Variants in ARHGAP42 observed in about 807,000 individuals in gnomAD.
ARHGAP42 encodes rho GTPase-activating protein 42.
In ARHGAP42, 63 loss-of-function variants were observed where a neutral mutation model predicts 125.0. That is an observed-to-expected ratio of 0.50 (90% confidence interval 0.41 to 0.62). The LOEUF (loss-of-function observed/expected upper bound fraction) is 0.62. ARHGAP42 is among the 20% of genes least tolerant of loss of function. ARHGAP42 has a pLI of 0.00. For missense variants in ARHGAP42, 766 were observed against 1,024.2 expected (o/e 0.75, Z 3.44); for synonymous variants, 339 against 351.0 (o/e 0.97, Z 0.38).
intron 3 of ARHGAP42, among the ~76,000 whole-genome samples, chr11:100,826,962 G>A (rs1388154168): frequency 2.0e-5 from 3 of 149,922 alleles, no homozygotes; most frequent in African/African-American, 4.9e-5. Flanking sequence ...AATTTTGTGA[G>A]AAGGGTTTTT....
chr11:100,865,242 A>G (rs1865541360), intron 4 of ARHGAP42, among the ~76,000 whole-genome samples: 1 of 152,142 alleles, frequency 6.6e-6, no homozygotes, highest in Non-Finnish European at 1.5e-5. Flanking sequence ...TTATACATGC[A>G]GTTAATTAAG....
chr11:100,730,428 T>C (rs991777707), intron 1 of ARHGAP42, among the ~76,000 whole-genome samples: 2 of 152,238 alleles, frequency 1.3e-5, no homozygotes, highest in African/African-American at 4.8e-5. Flanking sequence ...GGAGAAATCC[T>C]CTGACCAAGA....
At chr11:100,822,815 T>C (rs1043988380) in intron 3 of ARHGAP42, among the ~76,000 whole-genome samples, 36 of 152,152 alleles carry the variant, frequency 2.4e-4, no homozygotes, top group African/African-American at 6.8e-4. Flanking sequence ...GTGGGAGACA[T>C]CTTTAGATAA....
intron 3 of ARHGAP42, among the ~76,000 whole-genome samples, chr11:100,800,376 T>G (rs568679599): frequency 1.3e-5 from 2 of 152,146 alleles, no homozygotes; most frequent in Non-Finnish European, 2.9e-5. Flanking sequence ...TTGTGAAATG[T>G]GCTGAGCTTG....
At chr11:100,959,365 G>A (rs1857895638) in intron 12 of ARHGAP42, among the ~76,000 whole-genome samples, 1 of 151,984 alleles carries the variant, frequency 6.6e-6, no homozygotes, top group South Asian at 2.1e-4. Context: ...ATGAAAAATA[G>A]AACATGGAGC....
At chr11:100,786,755 C>G (rs1165277798) in intron 2 of ARHGAP42, among the ~76,000 whole-genome samples, 5 of 152,142 alleles carry the variant, frequency 3.3e-5, no homozygotes, top group Admixed American at 6.5e-5. Context: ...TGCTAACAAT[C>G]TGGAGCAGTA....
rs117535070 is a variant in ARHGAP42 at position 100,927,207 on chromosome 11, C to T, written c.597+5603C>T. Among the ~76,000 whole-genome samples, 56 of 152,208 alleles carry T rather than the reference C, an allele frequency of 3.7e-4. No individual in the cohort carries two copies. The East Asian group carries it at 8.9e-3, about 24-fold the overall frequency. On this transcript the variant is annotated intron_variant, in intron 6 of 23. Coordinates refer to ENST00000298815, the MANE Select transcript of ARHGAP42 (RefSeq NM_152432.4). ...AAATAATTTTGAGATTGAAATGCTA[C>T]TGGCTAAGTCTTTTTTAAAAGTCCA... is the stretch of plus-strand genomic sequence containing the variant.
chr11:100,969,365 G>A (rs1858179818), intron 17 of ARHGAP42, among the ~76,000 whole-genome samples: 1 of 152,042 alleles, frequency 6.6e-6, no homozygotes, highest in South Asian at 2.1e-4. Context: ...CTTGGAGTTT[G>A]TTGAGCTTCT....
chr11:100,867,059 C>T (rs1865585828), intron 4 of ARHGAP42, among the ~76,000 whole-genome samples: 1 of 152,154 alleles, frequency 6.6e-6, no homozygotes, highest in Non-Finnish European at 1.5e-5. Context: ...ATTCAGTAAA[C>T]TACAATGTAA....
intron 22 of ARHGAP42, among the ~76,000 whole-genome samples, chr11:100,980,258 T>A (rs1858497685): frequency 6.6e-6 from 1 of 152,118 alleles, no homozygotes; most frequent in Non-Finnish European, 1.5e-5. Context: ...GCCCCATGCA[T>A]GTCACAGCAA....
intron 22 of ARHGAP42, among the ~76,000 whole-genome samples, chr11:100,980,556 CTTCTTTTTTTT>C (rs1858510168): frequency 4.2e-5 from 1 of 23,544 alleles, no homozygotes; most frequent in Non-Finnish European, 7.4e-5. Context: ...TCTTTTTCTT[CTTCTTTTTTTT>C]TTTTTTTTTT....
chr11:100,759,704 C>T (rs753748556), intron 1 of ARHGAP42, among the ~76,000 whole-genome samples: 22 of 152,086 alleles, frequency 1.4e-4, no homozygotes, highest in Admixed American at 1.0e-3. Flanking sequence ...AGTACCCTCT[C>T]GGTAGTCTGG....
chr11:100,723,186 G>T (rs1861796475), intron 1 of ARHGAP42, among the ~76,000 whole-genome samples: 1 of 152,112 alleles, frequency 6.6e-6, no homozygotes, highest in African/African-American at 2.4e-5. Flanking sequence ...GAGTACTTTA[G>T]ATTTATGGTG....
Position 100,992,463 on chromosome 11 carries a change from CT to C in ARHGAP42, c.*3668del. Reference sequence around the variant, plus strand: ...TTGCTATTTAACTTTGCCTCCTACCCTTTTTTGTTACCTTCCAAAATCAAGA... The same window carrying C: ...TTGCTATTTAACTTTGCCTCCTACCCTTTTTGTTACCTTCCAAAATCAAGA... On this transcript the variant is annotated 3_prime_UTR_variant, in exon 24 of 24. Transcript: ENST00000298815. 6.2e-7 allele frequency: 1 copy of C among 1,614,058 alleles called. No individual in the cohort carries two copies.
Position 100,921,506 on chromosome 11 carries a change from A to C in ARHGAP42, c.499A>C (p.Ile167Leu). The change falls in exon 6 of 24, where the codon ATT becomes CTT. Residue 167 changes from isoleucine (I) to leucine (L), a missense_variant. Around this residue, in one of 3 missense-constraint regions of ARHGAP42, gnomAD observed 455 missense variants for 636.5 expected, o/e 0.71. Transcript: ENST00000298815. Reference protein sequence around the residue: ...ESHLQEADTQIDREHQNFYEA... With the variant: ...ESHLQEADTQLDREHQNFYEA... Reference sequence around the variant, plus strand: ...TTTTTCTCTTTAGGCAGATACACAAATTGACCGAGAACATCAGAACTTCTA... The same window carrying C: ...TTTTTCTCTTTAGGCAGATACACAACTTGACCGAGAACATCAGAACTTCTA... 1 of 1,546,036 alleles carries C rather than the reference A, an allele frequency of 6.5e-7. No individual in the cohort carries two copies. Among genetic ancestry groups the C allele is most frequent in the Non-Finnish European group, 8.7e-7 (1 of 1,144,210 alleles).
At chr11:100,817,260 T>C (rs1309447847) in intron 3 of ARHGAP42, among the ~76,000 whole-genome samples, 1 of 152,170 alleles carries the variant, frequency 6.6e-6, no homozygotes, top group African/African-American at 2.4e-5. Flanking sequence ...TTCTCCCTAG[T>C]TGTGACAACC....
intron 4 of ARHGAP42, among the ~76,000 whole-genome samples, chr11:100,890,467 T>C (rs1272904389): frequency 1.3e-5 from 2 of 152,186 alleles, no homozygotes. Context: ...AAGCGCTTCA[T>C]TAAGTACCAT....
intron 22 of ARHGAP42, among the ~76,000 whole-genome samples, chr11:100,984,631 A>G (rs1459969835): frequency 6.6e-6 from 1 of 151,992 alleles, no homozygotes; most frequent in Non-Finnish European, 1.5e-5. Context: ...TTCCTCATTA[A>G]ATGCATTAGA....
chr11:100,986,343 C>G (rs564700841), intron 22 of ARHGAP42: 9 of 293,780 alleles, frequency 3.1e-5, no homozygotes, highest in South Asian at 2.8e-4. Context: ...ATGGACATAG[C>G]TGGCCTGAGG....
Sources: gnomAD v4.1 joint callset for allele counts (sites outside exome capture counted in the v4.1 genomes callset) on GRCh38, gnomAD v4.1.1 for gene constraint, gnomAD v4.1.1 regional missense constraint, MANE v1.5 for transcripts, NCBI Gene and HGNC (gene_info 2026-07-23, HGNC 2026-07-21) for gene names.